MYT1L: variants seen among roughly 807,000 people sequenced by gnomAD.
The protein encoded by MYT1L is myelin transcription factor 1-like protein.
In MYT1L, 12 loss-of-function variants were observed where a neutral mutation model predicts 126.7. The ratio of observed to expected loss-of-function variants is 0.09; its 90% CI spans 0.06 to 0.15. The LOEUF (loss-of-function observed/expected upper bound fraction) is 0.15, where lower values mean the gene tolerates loss of function less well. Ranked by LOEUF, MYT1L falls within the 10% of genes least tolerant of loss-of-function variation. The probability of loss-of-function intolerance (pLI) is 1.00; values close to 1 mark genes in which losing one functional copy is unlikely to be tolerated. For missense variants in MYT1L, 979 were observed against 1,585.2 expected, an observed-to-expected ratio of 0.62 and a Z score of 6.49; for synonymous variants, 541 against 604.2, an observed-to-expected ratio of 0.90 and a Z score of 1.53.
At chr2:1,829,081 C>T (rs1335407504) in intron 21 of MYT1L, among the ~76,000 whole-genome samples, 1 of 152,116 alleles carries the variant, frequency 6.6e-6, no homozygotes, top group African/African-American at 2.4e-5. Flanking sequence ...TCTGCCCCAT[C>T]CTCCCTGCAT....
chr2:1,940,109 T>C (rs577678466), intron 9 of MYT1L, among the ~76,000 whole-genome samples: 3 of 152,278 alleles, frequency 2.0e-5, no homozygotes, highest in South Asian at 4.1e-4. Context: ...TGAAAGGGAG[T>C]GGAGTATCAC....
intron 2 of MYT1L, among the ~76,000 whole-genome samples, chr2:2,210,136 A>C (rs2093452881): frequency 6.6e-6 from 1 of 152,056 alleles, no homozygotes; most frequent in Admixed American, 6.6e-5. Context: ...TTTTTAATTG[A>C]CATTTTAGAT....
chr2:2,212,078 T>C lies in MYT1L; in HGVS notation c.-420-39090A>G, dbSNP rs1028727202. Among the ~76,000 whole-genome samples the C allele has an allele frequency of 6.6e-5, 10 of 152,306 alleles. No individual in the cohort carries two copies. The East Asian group carries it at 1.9e-3, about 29-fold the overall frequency. ...TGTCCATGGTCTGCAAGTCCCCATC[T>C]AGACACATGACTGATGCTGGGAAAA... is the stretch of plus-strand genomic sequence containing the variant. On this transcript the variant is annotated intron_variant, in intron 2 of 24. Coordinates refer to ENST00000647738, the MANE Select transcript of MYT1L (RefSeq NM_001303052.2).
intron 18 of MYT1L, among the ~76,000 whole-genome samples, chr2:1,881,390 GTGTGTGTGTGTC>G: frequency 7.8e-6 from 1 of 128,702 alleles, no homozygotes; most frequent in East Asian, 2.4e-4. Flanking sequence ...GTGTGTGTGT[GTGTGTGTGTGTC>G]TGAAGTCATT....
intron 10 of MYT1L, among the ~76,000 whole-genome samples, chr2:1,919,782 T>G (rs2053333478): frequency 6.6e-6 from 1 of 152,138 alleles, no homozygotes; most frequent in African/African-American, 2.4e-5. Context: ...AGGCTGGAGT[T>G]CAGTGGCACA....
chr2:2,225,476 A>G (rs1478032073), intron 2 of MYT1L, among the ~76,000 whole-genome samples: 1 of 152,220 alleles, frequency 6.6e-6, no homozygotes, highest in African/African-American at 2.4e-5. Context: ...AGGTGACCCC[A>G]GTCTGGGACA....
intron 2 of MYT1L, among the ~76,000 whole-genome samples, chr2:2,240,100 C>T (rs528798481): frequency 6.6e-6 from 1 of 152,186 alleles, no homozygotes; most frequent in African/African-American, 2.4e-5. Flanking sequence ...GAGTTTGAGA[C>T]CAGCCTGGCC....
chr2:1,829,153 CTG>C (rs2039770106), intron 21 of MYT1L, among the ~76,000 whole-genome samples: 2 of 152,102 alleles, frequency 1.3e-5, no homozygotes, highest in African/African-American at 4.8e-5. Flanking sequence ...CCTCTCACCT[CTG>C]GGGGTGCTGA....
intron 3 of MYT1L, among the ~76,000 whole-genome samples, chr2:2,114,452 A>G (rs1245582982): frequency 2.0e-5 from 3 of 152,162 alleles, no homozygotes; most frequent in Non-Finnish European, 2.9e-5. Flanking sequence ...CTCCTCAGAG[A>G]GTCCCCTTAT....
intron 2 of MYT1L, among the ~76,000 whole-genome samples, chr2:2,236,429 CAACCCAACCCAGACCAGT>C (rs2094307057): frequency 1.4e-5 from 2 of 139,088 alleles, no homozygotes; most frequent in Non-Finnish European, 1.5e-5. Flanking sequence ...CAGCCCAGTA[CAACCCAACCCAGACCAGT>C]ACATCCCAAC....
intron 2 of MYT1L, among the ~76,000 whole-genome samples, chr2:2,251,427 T>C (rs1162390701): frequency 6.6e-6 from 1 of 152,274 alleles, no homozygotes; most frequent in Admixed American, 6.5e-5. Flanking sequence ...CCATCACCAA[T>C]GCTGTCCGCC....
At chr2:1,991,236 C>T (rs956500567) in intron 5 of MYT1L, among the ~76,000 whole-genome samples, 5 of 152,188 alleles carry the variant, frequency 3.3e-5, no homozygotes, top group African/African-American at 1.2e-4. Context: ...TCCGGGGCTC[C>T]TGTTGGATCC....
chr2:2,230,892 G>T (rs2094145112), intron 2 of MYT1L, among the ~76,000 whole-genome samples: 1 of 151,780 alleles, frequency 6.6e-6, no homozygotes, highest in African/African-American at 2.4e-5. Context: ...GGTGGAAAAT[G>T]AGGTGCCCTG....
intron 18 of MYT1L, among the ~76,000 whole-genome samples, chr2:1,882,989 G>A (rs2047751132): frequency 1.3e-5 from 2 of 152,188 alleles, no homozygotes. Context: ...AAAATGCCTA[G>A]GATACAAGCC....
intron 2 of MYT1L, among the ~76,000 whole-genome samples, chr2:2,193,819 G>A (rs565792059): frequency 2.4e-4 from 36 of 152,212 alleles, no homozygotes; most frequent in Admixed American, 7.8e-4. Flanking sequence ...AGACACCTAG[G>A]GGTGAATCAG....
At chr2:1,851,074 T>C (rs1173569667) in intron 19 of MYT1L, among the ~76,000 whole-genome samples, 1 of 152,174 alleles carries the variant, frequency 6.6e-6, no homozygotes, top group Non-Finnish European at 1.5e-5. Context: ...GTTAATCCAG[T>C]AGTTACTGAA....
At chr2:2,238,806 CTT>C (rs1396711910) in intron 2 of MYT1L, among the ~76,000 whole-genome samples, 1 of 152,248 alleles carries the variant, frequency 6.6e-6, no homozygotes, top group Admixed American at 6.5e-5. Flanking sequence ...AGTAAGCCCT[CTT>C]TGACTAAAAG....
chr2:1,889,537 C>T lies in MYT1L; in HGVS notation c.2284-60G>A, dbSNP rs1381449396. 1.5e-6 allele frequency: 2 copies of T among 1,349,920 alleles called. No homozygotes were observed. The highest frequency in any genetic ancestry group is 1.0e-6 in the Non-Finnish European group (1 of 980,776). The allele number at this position is 1,349,920 out of a possible 1,614,324, so 83.6% of individuals were successfully genotyped here. A position where few individuals can be genotyped will look rare whatever the true frequency, so the allele number is the denominator to read the frequency against. On this transcript the variant is annotated intron_variant, in intron 15 of 24. Transcript: ENST00000647738. This position sits in a 1 kb window ranked among gnomAD's most constrained non-coding sequence, Gnocchi z 4.1. Reference sequence around the variant, plus strand: ...CCGGCATCTTGTGACACCACGAGTCCTTCCTCCCAGATTACAGTCCTGCCG... The same window carrying T: ...CCGGCATCTTGTGACACCACGAGTCTTTCCTCCCAGATTACAGTCCTGCCG...
intron 14 of MYT1L, among the ~76,000 whole-genome samples, chr2:1,894,375 G>A (rs185585206): frequency 6.6e-6 from 1 of 152,310 alleles, no homozygotes; most frequent in Admixed American, 6.5e-5. Flanking sequence ...GAGGCTGTAA[G>A]GGCACCCCCA....
Sources: allele counts gnomAD v4.1 joint callset (sites outside exome capture counted in the v4.1 genomes callset), GRCh38; gene constraint gnomAD v4.1.1; non-coding constraint Gnocchi (gnomAD v3.1); transcripts MANE v1.5; gene names NCBI Gene and HGNC (gene_info 2026-07-23, HGNC 2026-07-21).